The following FAM9B variants were observed in gnomAD, a reference collection of about 807,000 sequenced individuals.
FAM9B encodes family with sequence similarity 9 member B.
In FAM9B, 18 loss-of-function variants were observed where a neutral mutation model predicts 16.6. The ratio of observed to expected loss-of-function variants is 1.09; its 90% CI spans 0.75 to 1.61. FAM9B has a LOEUF of 1.61. FAM9B is among the 40% of genes most tolerant of loss of function. The pLI, the probability that FAM9B is intolerant of heterozygous loss-of-function variation, is 0.00. For missense variants in FAM9B, 155 were observed against 136.0 expected (o/e 1.14, Z -0.70); for synonymous variants, 43 against 42.6 (o/e 1.01, Z -0.03).
intron 4 of FAM9B, chrX:9,031,426 A>G (rs1480630581): frequency 8.9e-6 from 1 of 112,059 alleles, no homozygotes; most frequent in African/African-American, 3.2e-5. Context: ...TTACTTTTCT[A>G]CTACACAGTT....
chrX:9,032,683 C>T, intron 2 of FAM9B: 1 of 550,593 alleles, frequency 1.8e-6, no homozygotes, highest in East Asian at 3.6e-5. Context: ...CAACGTACTA[C>T]AGTTCAGACC....
Position 9,027,900 on chromosome X carries a change from C to T in FAM9B, c.460G>A (p.Glu154Lys). ...AATTGGTCACGTAGCAGCTTCATCT[C>T]TTTCAGCCTCTCTCTCCTAACACTT... ...YRSVRRERLK[E>K]MKLLRDQFVK... The change falls in exon 7 of 9, where the codon GAG becomes AAG. Residue 154 changes from glutamate (E) to lysine (K), a missense_variant. Glu to Lys is a moderately conservative substitution (Grantham distance 56). Coordinates refer to ENST00000327220, the MANE Select transcript of FAM9B (RefSeq NM_205849.3). 8.3e-7 allele frequency: 1 copy of T among 1,209,375 alleles called. No individual in the cohort carries two copies. Among genetic ancestry groups the T allele is most frequent in the Non-Finnish European group, 1.1e-6 (1 of 894,679 alleles).
At chrX:9,026,936 C>A (rs1274720650) in intron 7 of FAM9B, among the ~76,000 whole-genome samples, 3 of 111,586 alleles carry the variant, frequency 2.7e-5, no homozygotes, top group Admixed American at 9.6e-5. Context: ...TTTTCAAACT[C>A]TTTTCCCAGT....
At position 9,027,949 on chromosome X, in the gene FAM9B, T is replaced by C. The variant is rs775850250; in HGVS notation, c.411A>G (p.Gln137=). The part of the protein sequence containing the change: ...EEELIRIFQE[Q]QKKWQQYRSV... ...TTCTATATTGTTGCCACTTCTTCTG[T>C]TGTTCTTGAAATATTCTCTAGAATC... Residue 137 remains glutamine, a synonymous_variant, in exon 7 of 9, where the codon CAA becomes CAG. Coordinates refer to ENST00000327220, the MANE Select transcript of FAM9B (RefSeq NM_205849.3). 1 of 1,207,280 alleles carries C rather than the reference T, an allele frequency of 8.3e-7. No homozygotes were observed. The highest frequency in any genetic ancestry group is 2.2e-5 in the Admixed American group (1 of 45,933).
At position 9,029,364 on chromosome X, in the gene FAM9B, G is replaced by T; in HGVS notation, c.336C>A (p.Tyr112Ter). 8.3e-7 allele frequency: 1 copy of T among 1,209,583 alleles called. No homozygotes were observed. Among genetic ancestry groups the T allele is most frequent in the Middle Eastern group, 2.3e-4 (1 of 4,351 alleles). ...SLKLLNVLEE[Y>*]ITDEQKEEEE... ...CTTCCTCTTTCTGCTCGTCTGTGAT[G>T]TATTCTTCAAGGACATTTAGCAACT... The change falls in exon 6 of 9, where the codon TAC becomes TAA. Residue 112 changes from tyrosine to a stop codon, truncating the protein, a stop_gained. Coordinates refer to ENST00000327220, the MANE Select transcript of FAM9B (RefSeq NM_205849.3). LOFTEE classifies it high-confidence loss of function.
chrX:9,027,824 C>T (rs372931231), intron 7 of FAM9B, 44 bp downstream of exon 7: 65 of 1,000,085 alleles, frequency 6.5e-5, no homozygotes, highest in African/African-American at 3.0e-4. Flanking sequence ...CTATTATGCA[C>T]GTGTTGTATT....
intron 7 of FAM9B, among the ~76,000 whole-genome samples, chrX:9,026,473 A>G (rs1213470208): frequency 9.0e-6 from 1 of 110,871 alleles, no homozygotes; most frequent in Non-Finnish European, 1.9e-5. Flanking sequence ...CATCACTGAC[A>G]GGCTGGGAAG....
intron 7 of FAM9B, among the ~76,000 whole-genome samples, chrX:9,026,701 A>G (rs964531162): frequency 2.7e-5 from 3 of 111,057 alleles, no homozygotes; most frequent in Non-Finnish European, 5.7e-5. Context: ...CGTGATAACT[A>G]CATGGGAAGG....
chrX:9,033,472 G>GGACCCCCGGT (rs773524890), intron 1 of FAM9B: 3 of 637,195 alleles, frequency 4.7e-6, no homozygotes, highest in African/African-American at 5.0e-5. Flanking sequence ...GACGCACAGG[G>GGACCCCCGGT]GACCCCCGGT....
In FAM9B at chrX:9,033,180, G is replaced by A; in HGVS notation, c.-89-105C>T. On this transcript the variant is annotated intron_variant, in intron 1 of 8. Coordinates refer to ENST00000327220, the MANE Select transcript of FAM9B (RefSeq NM_205849.3). ...GAAGGGTGGGGCTGGCCCGCCCTGGGTCTCATGTGGGAGCAGGAAGGGACG... is the reference window on the plus strand; with the variant it reads ...GAAGGGTGGGGCTGGCCCGCCCTGGATCTCATGTGGGAGCAGGAAGGGACG... The A allele has an allele frequency of 6.9e-6, 8 of 1,154,305 alleles. No homozygotes were observed. In the South Asian group the frequency reaches 1.6e-4, roughly 23 times the overall value.
rs1920954621 is a variant in FAM9B, at chrX:9,024,540, G to A, written c.*869C>T. 1 of 111,362 alleles carries A rather than the reference G, an allele frequency of 9.0e-6. No homozygotes were observed. The highest frequency in any genetic ancestry group is 3.3e-5 in the African/African-American group (1 of 30,682). 9.2% of individuals were successfully genotyped at this position (111,362 alleles called of 1,213,427 possible). On this transcript the variant is annotated 3_prime_UTR_variant, in exon 9 of 9. Transcript: ENST00000327220. ...TTTACAGCAGTATAATTTTTTTTAA[G>A]AACACAGACAGTAAGGTGCTTTTAA...
At position 9,024,740 on chromosome X, in the gene FAM9B, G is replaced by A. The variant is rs1485579132; in HGVS notation, c.*669C>T. On this transcript the variant is annotated 3_prime_UTR_variant, in exon 9 of 9. Transcript: ENST00000327220. ...TCTGTCGCCCAGGCTGGAGTGCAGTGGCACAATCTTGGCTTACTGCAACCT... is the reference window on the plus strand; with the variant it reads ...TCTGTCGCCCAGGCTGGAGTGCAGTAGCACAATCTTGGCTTACTGCAACCT... 1 of 112,338 alleles carries A rather than the reference G, an allele frequency of 8.9e-6. No homozygotes were observed. The highest frequency in any genetic ancestry group is 9.5e-5 in the Admixed American group (1 of 10,576). 9.3% of individuals were successfully genotyped at this position (112,338 alleles called of 1,213,427 possible).
At chrX:9,028,436 T>C (rs1320512079) in intron 6 of FAM9B, among the ~76,000 whole-genome samples, 1 of 111,460 alleles carries the variant, frequency 9.0e-6, no homozygotes, top group Non-Finnish European at 1.9e-5. Context: ...TCTCCTCTCC[T>C]CTACGTGGCA....
intron 5 of FAM9B, 60 bp downstream of exon 5, chrX:9,030,201 C>T (rs1452981544): frequency 1.7e-6 from 2 of 1,161,004 alleles, no homozygotes; most frequent in South Asian, 1.9e-5. Context: ...AAATTATTTG[C>T]ACCAACTAAT....
rs1569138708 is a variant in FAM9B at position 9,030,530 on chromosome X, A to G, written c.182-170T>C. ...TTCAAAAAGCAAGATTTACTCACTT[A>G]TTTTCTGTAAAACCTTTCAGGTATT... On this transcript the variant is annotated intron_variant, in intron 4 of 8. Coordinates refer to ENST00000327220, the MANE Select transcript of FAM9B (RefSeq NM_205849.3). 4 of 361,517 alleles carry G rather than the reference A, an allele frequency of 1.1e-5. No individual in the cohort carries two copies. In the East Asian group the frequency reaches 1.4e-4, roughly 12 times the overall value. 29.8% of individuals were successfully genotyped at this position (361,517 alleles called of 1,213,427 possible).
At chrX:9,028,502 C>T (rs1394869200) in intron 6 of FAM9B, among the ~76,000 whole-genome samples, 2 of 110,702 alleles carry the variant, frequency 1.8e-5, no homozygotes, top group African/African-American at 6.6e-5. Context: ...TCAACACCTA[C>T]GTAATATTAA....
chrX:9,028,290 A>G (rs1462684964), intron 6 of FAM9B, among the ~76,000 whole-genome samples: 3 of 112,062 alleles, frequency 2.7e-5, no homozygotes, highest in Non-Finnish European at 5.6e-5. Context: ...TAAGATCTAT[A>G]CAGAAATTAA....
chrX:9,027,024 G>C (rs1038384056), intron 7 of FAM9B, among the ~76,000 whole-genome samples: 3 of 111,626 alleles, frequency 2.7e-5, no homozygotes, highest in African/African-American at 9.8e-5. Flanking sequence ...AAGAATACCA[G>C]ATCTCCCCAA....
rs1201623608 is a variant in FAM9B at position 9,032,872 on chromosome X, G to C, written c.28+87C>G. 7 of 1,145,611 alleles carry C rather than the reference G, an allele frequency of 6.1e-6. 1 individual carries two copies. In the African/African-American group the frequency reaches 7.1e-5, roughly 12 times the overall value. 94.4% of individuals were successfully genotyped at this position (1,145,611 alleles called of 1,213,427 possible). On this transcript the variant is annotated intron_variant, in intron 2 of 8. Transcript: ENST00000327220. ...GCCACGAAGGGGCCTGGGGCCTCGG[G>C]CTGCCCCTGTGCCCCCAGCGCAGAA...
Sources: allele counts gnomAD v4.1 joint callset (sites outside exome capture counted in the v4.1 genomes callset), GRCh38; gene constraint gnomAD v4.1.1; transcripts MANE v1.5; gene names NCBI Gene and HGNC (gene_info 2026-07-23, HGNC 2026-07-21).